The following PCDHGA11 variants were observed in gnomAD, a reference collection of about 807,000 sequenced individuals.
The protein encoded by PCDHGA11 is protocadherin gamma-A11.
Under a neutral mutation model 60.4 loss-of-function variants are expected in PCDHGA11, and 39 were observed. The ratio of observed to expected loss-of-function variants is 0.65; its 90% CI spans 0.50 to 0.84. The LOEUF (loss-of-function observed/expected upper bound fraction) is 0.84, where lower values mean the gene tolerates loss of function less well. PCDHGA11 is among the 40% of genes least tolerant of loss of function. PCDHGA11 has a pLI of 0.00. For synonymous variants in PCDHGA11, 533 were observed against 510.3 expected (o/e 1.04, Z -0.60); for missense variants, 1,165 against 1,197.7 (o/e 0.97, Z 0.40).
In PCDHGA11 at chr5:141,421,161, T is replaced by C. The variant is rs2096550274; in HGVS notation, c.-67T>C. ...TGGATGTAGTCGGCCTAGGACTTCA[T>C]AGATACATAAGCCGATTCACAACCA... On this transcript the variant is annotated 5_prime_UTR_variant, in exon 1 of 4. Transcript: ENST00000398587. 7 of 1,259,920 alleles carry C rather than the reference T, an allele frequency of 5.6e-6. No individual in the cohort carries two copies. Among genetic ancestry groups the C allele is most frequent in the Non-Finnish European group, 7.5e-6 (7 of 929,260 alleles). The allele number at this position is 1,259,920 out of a possible 1,614,324, so 78.0% of individuals were successfully genotyped here.
chr5:141,457,632 G>T (rs919693977), intron 1 of PCDHGA11, among the ~76,000 whole-genome samples: 1 of 152,142 alleles, frequency 6.6e-6, no homozygotes, highest in Non-Finnish European at 1.5e-5. Context: ...CTTATACTTG[G>T]CCTGATTATT....
rs2099883775 is a variant in PCDHGA11 at position 141,511,415 on chromosome 5, A to G, written c.*242A>G. On this transcript the variant is annotated 3_prime_UTR_variant, in exon 4 of 4. Transcript: ENST00000398587. ...CCCCATCCAATCAACTGCTGTACCC[A>G]TGGGGGTAGTGGGGTTACTGTAGAC... 1.2e-6 allele frequency: 1 copy of G among 868,992 alleles called. No individual in the cohort carries two copies. The highest frequency in any genetic ancestry group is 2.9e-5 in the East Asian group (1 of 34,592). The allele number at this position is 868,992 out of a possible 1,614,324, so 53.8% of individuals were successfully genotyped here.
chr5:141,433,555 G>C (rs1434189062), intron 1 of PCDHGA11, among the ~76,000 whole-genome samples: 1 of 152,088 alleles, frequency 6.6e-6, no homozygotes, highest in African/African-American at 2.4e-5. Flanking sequence ...TTCTTTTCTG[G>C]CTGGGCGCGG....
intron 1 of PCDHGA11, among the ~76,000 whole-genome samples, chr5:141,483,525 A>G (rs1442825090): frequency 1.3e-5 from 2 of 152,126 alleles, no homozygotes; most frequent in African/African-American, 4.8e-5. Context: ...ATCCTGACTA[A>G]GGAAGCTGGG....
In PCDHGA11 at chr5:141,476,476, C is replaced by T; in HGVS notation, c.2434-18331C>T. 6.2e-7 allele frequency: 1 copy of T among 1,613,986 alleles called. No homozygotes were observed. The highest frequency in any genetic ancestry group is 8.5e-7 in the Non-Finnish European group (1 of 1,179,992). On this transcript the variant is annotated intron_variant, in intron 1 of 3. Transcript: ENST00000398587. The surrounding 1 kb of genome is among the most constrained non-coding windows in gnomAD (Gnocchi z 7.6). Reference sequence around the variant, plus strand: ...TGGAGAACCCGCTGGAGCTGTTCAGCGTGGAAGTGGTGATCCAGGACATCA... The same window carrying T: ...TGGAGAACCCGCTGGAGCTGTTCAGTGTGGAAGTGGTGATCCAGGACATCA...
At position 141,485,120 on chromosome 5, in the gene PCDHGA11, G is replaced by A. The variant is rs2099607447; in HGVS notation, c.2434-9687G>A. On this transcript the variant is annotated intron_variant, in intron 1 of 3. Coordinates refer to ENST00000398587, the MANE Select transcript of PCDHGA11 (RefSeq NM_018914.3). The surrounding 1 kb of genome is among the most constrained non-coding windows in gnomAD (Gnocchi z 5.7). ...TCCAGCTGCTGTGGCTGTTTGGGGC[G>A]GGTCGGCTTCATCCGCGTCTCAGGA... The A allele has an allele frequency of 1.5e-6, 2 of 1,348,050 alleles. No homozygotes were observed. Among genetic ancestry groups the A allele is most frequent in the Non-Finnish European group, 2.1e-6 (2 of 952,710 alleles). 83.5% of individuals were successfully genotyped at this position (1,348,050 alleles called of 1,614,324 possible).
intron 1 of PCDHGA11, chr5:141,442,449 T>TA (rs1488731055): frequency 6.6e-6 from 1 of 152,210 alleles, no homozygotes; most frequent in African/African-American, 2.4e-5. Context: ...CAGGACTCAA[T>TA]AGCAGTTTCA....
At chr5:141,451,957 A>C (rs1019378263) in intron 1 of PCDHGA11, among the ~76,000 whole-genome samples, 3 of 152,202 alleles carry the variant, frequency 2.0e-5, no homozygotes, top group African/African-American at 7.2e-5. Context: ...AGAAAGTGAC[A>C]TACCATCATT....
chr5:141,467,736 G>A (rs1435480730), intron 1 of PCDHGA11, among the ~76,000 whole-genome samples: 1 of 151,902 alleles, frequency 6.6e-6, no homozygotes, highest in Non-Finnish European at 1.5e-5. Flanking sequence ...ATCCCAGCTC[G>A]CTGCAACCTC....
intron 1 of PCDHGA11, among the ~76,000 whole-genome samples, chr5:141,450,322 T>A (rs1246284108): frequency 6.6e-6 from 1 of 152,106 alleles, no homozygotes; most frequent in African/African-American, 2.4e-5. Context: ...CTAGTTGCCA[T>A]GTCTCTTTAA....
chr5:141,431,288 C>T lies in PCDHGA11; in HGVS notation c.2433+7628C>T, dbSNP rs2097358193. ...GAGCTACGAGCTCAGCCCGAACACT[C>T]ACTTCTCCCTCATCGTGCAAAATGG... On this transcript the variant is annotated intron_variant, in intron 1 of 3. Transcript: ENST00000398587. This position sits in a 1 kb window ranked among gnomAD's most constrained non-coding sequence, Gnocchi z 4.8. 1 of 1,614,152 alleles carries T rather than the reference C, an allele frequency of 6.2e-7. No individual in the cohort carries two copies. Among genetic ancestry groups the T allele is most frequent in the East Asian group, 2.2e-5 (1 of 44,890 alleles).
At chr5:141,468,402 T>A (rs2154569909) in intron 1 of PCDHGA11, 1 of 150,014 alleles carries the variant, frequency 6.7e-6, no homozygotes, top group East Asian at 2.0e-4. Context: ...TGGTGAGAAC[T>A]AATAATAAGT....
chr5:141,459,981 G>C (rs1023972964), intron 1 of PCDHGA11, among the ~76,000 whole-genome samples: 7 of 152,330 alleles, frequency 4.6e-5, no homozygotes, highest in Admixed American at 1.3e-4. Context: ...AGGAGGCTGA[G>C]ACAGGAGAAT....
chr5:141,425,394 G>C (rs186813737), intron 1 of PCDHGA11, among the ~76,000 whole-genome samples: 2 of 152,184 alleles, frequency 1.3e-5, no homozygotes, highest in Non-Finnish European at 2.9e-5. Context: ...TAGTGATAAA[G>C]TTCTGTTAAG....
At position 141,476,030 on chromosome 5, in the gene PCDHGA11, G is replaced by A; in HGVS notation, c.2434-18777G>A. On this transcript the variant is annotated intron_variant, in intron 1 of 3. Coordinates refer to ENST00000398587, the MANE Select transcript of PCDHGA11 (RefSeq NM_018914.3). This position sits in a 1 kb window ranked among gnomAD's most constrained non-coding sequence, Gnocchi z 7.6. ...AAAGCCATGTCGGACTCGGCGCCCA[G>A]CGCCCAAGCGCTAACCCGCTGAAAG... 2.7e-6 allele frequency: 4 copies of A among 1,459,176 alleles called. No individual in the cohort carries two copies. The highest frequency in any genetic ancestry group is 3.6e-6 in the Non-Finnish European group (4 of 1,096,658). The allele number at this position is 1,459,176 out of a possible 1,614,324, so 90.4% of individuals were successfully genotyped here. A position where few individuals can be genotyped will look rare whatever the true frequency, so the allele number is the denominator to read the frequency against.
chr5:141,451,095 T>G (rs1158753327), intron 1 of PCDHGA11, among the ~76,000 whole-genome samples: 2 of 152,180 alleles, frequency 1.3e-5, no homozygotes, highest in African/African-American at 4.8e-5. Context: ...CCCAAAGTGT[T>G]GGGATTACAG....
Position 141,484,647 on chromosome 5 carries a change from G to A in PCDHGA11, c.2434-10160G>A, listed in dbSNP as rs556711906. Among the ~76,000 whole-genome samples, 104 of 152,066 alleles carry A rather than the reference G, an allele frequency of 6.8e-4. 3 individuals carry two copies. Among genetic ancestry groups the A allele is most frequent in the East Asian group, 1.2e-3 (6 of 5,166 alleles). ...TGAACAAAGTGACCACTCTCCAATG[G>A]CTACTCTCCCTCTCAGTGGGCCGCA... On this transcript the variant is annotated intron_variant, in intron 1 of 3. Transcript: ENST00000398587.
chr5:141,422,310 T>A lies in PCDHGA11; in HGVS notation c.1083T>A (p.Ser361=). The part of the protein sequence containing the change: ...TSSINSILEN[S]PPGTVIALLN... ...CTATTAATTCAATTCTGGAAAACTC[T>A]CCTCCAGGTACAGTGATTGCTCTTC... Residue 361 remains serine, a synonymous_variant, in exon 1 of 4, where the codon TCT becomes TCA. Coordinates refer to ENST00000398587, the MANE Select transcript of PCDHGA11 (RefSeq NM_018914.3). 1 of 1,546,532 alleles carries A rather than the reference T, an allele frequency of 6.5e-7. No homozygotes were observed. The highest frequency in any genetic ancestry group is 8.7e-7 in the Non-Finnish European group (1 of 1,153,606).
Position 141,511,303 on chromosome 5 carries a change from C to T in PCDHGA11, c.*130C>T, listed in dbSNP as rs2099883709. 2.7e-6 allele frequency: 4 copies of T among 1,490,160 alleles called. No homozygotes were observed. Among genetic ancestry groups the T allele is most frequent in the Non-Finnish European group, 3.6e-6 (4 of 1,116,196 alleles). 92.3% of individuals were successfully genotyped at this position (1,490,160 alleles called of 1,614,324 possible). ...CTGGTAGGGGCCAAGGCCATGCTCC[C>T]CTTGGGAAACAGAAACAAGTGCCCA... On this transcript the variant is annotated 3_prime_UTR_variant, in exon 4 of 4. Coordinates refer to ENST00000398587, the MANE Select transcript of PCDHGA11 (RefSeq NM_018914.3).
Sources: allele counts gnomAD v4.1 joint callset (sites outside exome capture counted in the v4.1 genomes callset), GRCh38; gene constraint gnomAD v4.1.1; non-coding constraint Gnocchi (gnomAD v3.1); transcripts MANE v1.5; gene names NCBI Gene and HGNC (gene_info 2026-07-23, HGNC 2026-07-21).